The following SNX7 variants were observed in gnomAD, a reference collection of about 807,000 sequenced individuals.
SNX7 encodes the protein sorting nexin-7.
In SNX7, 35 loss-of-function variants were observed where a neutral mutation model predicts 48.4. That is an observed-to-expected ratio of 0.72 (90% CI 0.55 to 0.96). The LOEUF is 0.96. Among genes scored for constraint, SNX7 ranks in the 40% least tolerant of loss-of-function variants. The probability of loss-of-function intolerance (pLI) is 0.00; values close to 1 mark genes in which losing one functional copy is unlikely to be tolerated. For synonymous variants in SNX7, 190 were observed against 190.2 expected (o/e 1.00, Z 0.01); for missense variants, 553 against 548.9 (o/e 1.01, Z -0.07).
chr1:98,756,565 T>C (rs186949095), intron 8 of SNX7, among the ~76,000 whole-genome samples: 7 of 151,850 alleles, frequency 4.6e-5, no homozygotes, highest in Non-Finnish European at 8.8e-5. Context: ...TGCTGGATAC[T>C]GTTTAATCCT....
intron 7 of SNX7, among the ~76,000 whole-genome samples, chr1:98,737,014 A>G (rs1400984608): frequency 1.3e-5 from 2 of 151,864 alleles, no homozygotes; most frequent in Non-Finnish European, 2.9e-5. Flanking sequence ...CATAGACTAC[A>G]TGGCTCAGTG....
At chr1:98,679,712 C>G (rs1310520723) in intron 1 of SNX7, among the ~76,000 whole-genome samples, 1 of 152,168 alleles carries the variant, frequency 6.6e-6, no homozygotes, top group Non-Finnish European at 1.5e-5. Flanking sequence ...AATCTTAAAA[C>G]TCCAAAATGA....
chr1:98,709,918 C>G lies in SNX7; in HGVS notation c.1125+8015C>G, dbSNP rs74755619. Among the ~76,000 whole-genome samples the G allele has an allele frequency of 9.0e-4, 137 of 152,136 alleles. 1 individual carries two copies. The highest frequency in any genetic ancestry group is 3.1e-3 in the African/African-American group (127 of 41,496). ...CTTGTAGAGTACAATTGTGGAAGCT[C>G]TCTTATATGGAATATGGAATCTAAT... On this transcript the variant is annotated intron_variant, in intron 7 of 8. Coordinates refer to ENST00000306121, the MANE Select transcript of SNX7 (RefSeq NM_015976.5).
chr1:98,738,451 G>T lies in SNX7; in HGVS notation c.1278+62G>T, dbSNP rs527831420. 4.7e-5 allele frequency: 70 copies of T among 1,497,436 alleles called. No homozygotes were observed. In the African/African-American group the frequency reaches 8.8e-4, roughly 19 times the overall value. 92.8% of individuals were successfully genotyped at this position (1,497,436 alleles called of 1,614,324 possible). On this transcript the variant is annotated intron_variant, in intron 8 of 8. Transcript: ENST00000306121. Reference sequence around the variant, plus strand: ...TTATATGCTCATTTACTTTTGGTCCGTCCAATGTTGAAAGAGTGTATTAAA... The same window carrying T: ...TTATATGCTCATTTACTTTTGGTCCTTCCAATGTTGAAAGAGTGTATTAAA...
At chr1:98,710,105 C>T (rs1286325395) in intron 7 of SNX7, among the ~76,000 whole-genome samples, 1 of 152,128 alleles carries the variant, frequency 6.6e-6, no homozygotes, top group Non-Finnish European at 1.5e-5. Context: ...CTGTTATGAA[C>T]ACAAACCTGA....
At chr1:98,720,528 T>A (rs1314890045) in intron 7 of SNX7, among the ~76,000 whole-genome samples, 3 of 152,096 alleles carry the variant, frequency 2.0e-5, no homozygotes, top group Non-Finnish European at 4.4e-5. Context: ...TTTTTATACT[T>A]GAGCTATACA....
chr1:98,662,393 G>A, intron 1 of SNX7: 1 of 200,060 alleles, frequency 5.0e-6, no homozygotes, highest in East Asian at 1.4e-4. Context: ...GTGAGTCTCG[G>A]GTCTTGTGGG....
intron 8 of SNX7, among the ~76,000 whole-genome samples, chr1:98,758,575 A>G (rs1250979413): frequency 1.3e-5 from 2 of 152,070 alleles, no homozygotes; most frequent in Admixed American, 6.6e-5. Context: ...AGTACCTTCT[A>G]AAGCTATTTA....
At chr1:98,749,734 T>G (rs1252999548) in intron 8 of SNX7, among the ~76,000 whole-genome samples, 1 of 152,108 alleles carries the variant, frequency 6.6e-6, no homozygotes, top group Non-Finnish European at 1.5e-5. Flanking sequence ...ATTTAAAAAG[T>G]TACTAAAATG....
intron 7 of SNX7, among the ~76,000 whole-genome samples, chr1:98,735,343 T>C (rs1194345061): frequency 1.3e-5 from 2 of 152,146 alleles, no homozygotes; most frequent in Non-Finnish European, 2.9e-5. Context: ...GGAAAGATGA[T>C]TCACTGTGAG....
chr1:98,691,937 A>ACACACACACTCTCTCT (rs376006567), intron 4 of SNX7, among the ~76,000 whole-genome samples: 4 of 131,064 alleles, frequency 3.1e-5, no homozygotes, highest in Non-Finnish European at 6.6e-5. Flanking sequence ...ACACACACAC[A>ACACACACACTCTCTCT]CTCTCTCTCT....
chr1:98,718,319 ACTT>A (rs1652694171), intron 7 of SNX7, among the ~76,000 whole-genome samples: 1 of 152,074 alleles, frequency 6.6e-6, no homozygotes, highest in Non-Finnish European at 1.5e-5. Flanking sequence ...CATTTTCAAT[ACTT>A]CTTTTATCAT....
intron 7 of SNX7, among the ~76,000 whole-genome samples, chr1:98,712,064 C>T (rs963310770): frequency 2.0e-5 from 3 of 152,166 alleles, no homozygotes; most frequent in African/African-American, 4.8e-5. Context: ...TCTCTTCAGG[C>T]TCTACTTCTA....
intron 8 of SNX7, among the ~76,000 whole-genome samples, chr1:98,757,381 T>C (rs1214976960): frequency 2.0e-5 from 3 of 151,976 alleles, no homozygotes; most frequent in Non-Finnish European, 4.4e-5. Flanking sequence ...AAGGCCCCTC[T>C]CCTTGGCTTG....
chr1:98,691,199 ATT>A lies in SNX7; in HGVS notation c.474+23_474+24del. On this transcript the variant is annotated intron_variant, in intron 3 of 8. Coordinates refer to ENST00000306121, the MANE Select transcript of SNX7 (RefSeq NM_015976.5). Reference sequence around the variant, plus strand: ...CTGATTATTCCAGTAAGTTTGCAAAATTTTTTTTTTCATAGAATAGCTACCAG... The same window carrying A: ...CTGATTATTCCAGTAAGTTTGCAAAATTTTTTTTCATAGAATAGCTACCAG... 2 of 1,501,514 alleles carry A rather than the reference ATT, an allele frequency of 1.3e-6. No individual in the cohort carries two copies. Among genetic ancestry groups the A allele is most frequent in the South Asian group, 1.3e-5 (1 of 78,426 alleles). 93.0% of individuals were successfully genotyped at this position (1,501,514 alleles called of 1,614,324 possible).
At chr1:98,735,637 G>A (rs963744163) in intron 7 of SNX7, among the ~76,000 whole-genome samples, 2 of 152,098 alleles carry the variant, frequency 1.3e-5, no homozygotes, top group Admixed American at 1.3e-4. Flanking sequence ...GATGATGATG[G>A]TGATGATGGT....
intron 1 of SNX7, among the ~76,000 whole-genome samples, chr1:98,675,006 G>A (rs967633913): frequency 3.3e-5 from 5 of 151,968 alleles, no homozygotes; most frequent in African/African-American, 1.2e-4. Context: ...TCTGTTGAAG[G>A]AAAAAATAAA....
chr1:98,665,604 T>C (rs1649494010), intron 1 of SNX7, among the ~76,000 whole-genome samples: 1 of 152,216 alleles, frequency 6.6e-6, no homozygotes, highest in Admixed American at 6.5e-5. Context: ...TGTTTATTTT[T>C]TGAGATGGAG....
At chr1:98,689,777 T>A (rs1570518585) in intron 2 of SNX7, among the ~76,000 whole-genome samples, 1 of 152,226 alleles carries the variant, frequency 6.6e-6, no homozygotes, top group East Asian at 1.9e-4. Flanking sequence ...TATTTGCATA[T>A]GGACATACAC....
Sources: gnomAD v4.1 joint callset for allele counts (sites outside exome capture counted in the v4.1 genomes callset) on GRCh38, gnomAD v4.1.1 for gene constraint, MANE v1.5 for transcripts, NCBI Gene and HGNC (gene_info 2026-07-23, HGNC 2026-07-21) for gene names.